QTMAN: variants seen among roughly 807,000 people sequenced by gnomAD.
QTMAN encodes the protein queuosine-tRNA mannosyltransferase.
the QTMAN span, among the ~76,000 whole-genome samples, chr2:144,082,332 A>G: frequency 2.0e-5 from 3 of 152,258 alleles, no homozygotes; most frequent in Non-Finnish European, 4.4e-5. Context: ...TTAGCCCAGC[A>G]CAACATTTGG....
chr2:144,096,561 G>T, the QTMAN span, among the ~76,000 whole-genome samples: 1 of 152,180 alleles, frequency 6.6e-6, no homozygotes, highest in Non-Finnish European at 1.5e-5. Context: ...AGTGTCATGT[G>T]TACAGGCTAG....
the QTMAN span, among the ~76,000 whole-genome samples, chr2:144,188,874 ATTTAACCTC>A: frequency 6.6e-6 from 1 of 152,210 alleles, no homozygotes; most frequent in African/African-American, 2.4e-5. Flanking sequence ...TAGCAAGAAC[ATTTAACCTC>A]TTCAATAAGC....
the QTMAN span, among the ~76,000 whole-genome samples, chr2:144,040,907 G>GA: frequency 6.6e-6 from 1 of 152,190 alleles, no homozygotes; most frequent in Non-Finnish European, 1.5e-5. Flanking sequence ...TTTGCTTAAA[G>GA]AAAGACACTG....
chr2:144,271,478 C>A, the QTMAN span, among the ~76,000 whole-genome samples: 5 of 152,142 alleles, frequency 3.3e-5, no homozygotes, highest in African/African-American at 1.2e-4. Flanking sequence ...AGGACTGGGT[C>A]TCAGAGAACA....
chr2:144,034,397 A>T, the QTMAN span, among the ~76,000 whole-genome samples: 15,481 of 152,162 alleles, frequency 0.1, 1,196 homozygotes, highest in East Asian at 0.26. Context: ...TGCCATAGGG[A>T]TGATTCTATC....
chr2:144,284,796 G>A, the QTMAN span, among the ~76,000 whole-genome samples: 22 of 152,098 alleles, frequency 1.4e-4, no homozygotes, highest in Middle Eastern at 3.2e-3. Flanking sequence ...ACTTTAGGAC[G>A]CCGTGGAGTG....
At chr2:144,018,429 C>T in the QTMAN span, among the ~76,000 whole-genome samples, 3 of 152,144 alleles carry the variant, frequency 2.0e-5, no homozygotes, top group South Asian at 6.2e-4. Flanking sequence ...AGAAACTGAC[C>T]TCATCCAGAA....
the QTMAN span, among the ~76,000 whole-genome samples, chr2:144,026,259 C>A: frequency 3.3e-5 from 5 of 151,930 alleles, no homozygotes; most frequent in Non-Finnish European, 1.5e-5. Context: ...CATGGTGAAA[C>A]CCCGTCTCTA....
chr2:144,103,382 T>C, the QTMAN span, among the ~76,000 whole-genome samples: 1 of 152,218 alleles, frequency 6.6e-6, no homozygotes, highest in Non-Finnish European at 1.5e-5. Flanking sequence ...CATGCATTCA[T>C]GCAACAAATA....
chr2:144,177,155 A>C, the QTMAN span: 1 of 702,524 alleles, frequency 1.4e-6, no homozygotes, highest in African/African-American at 1.7e-5. Flanking sequence ...GGTGATTATA[A>C]TTCTGCATGA....
the QTMAN span, among the ~76,000 whole-genome samples, chr2:144,277,271 T>C: frequency 6.6e-6 from 1 of 152,288 alleles, no homozygotes; most frequent in African/African-American, 2.4e-5. Context: ...TATATTTCTA[T>C]TAGGCAGTAC....
the QTMAN span, among the ~76,000 whole-genome samples, chr2:144,148,355 T>A: frequency 6.6e-6 from 1 of 151,828 alleles, no homozygotes; most frequent in Non-Finnish European, 1.5e-5. Flanking sequence ...AGTTGATTAA[T>A]CTATGTGAAC....
chr2:143,990,757 C>T, the QTMAN span, among the ~76,000 whole-genome samples: 16 of 151,990 alleles, frequency 1.1e-4, no homozygotes, highest in Non-Finnish European at 2.4e-4. Context: ...TTAAAAAACA[C>T]ATAGGAAATA....
the QTMAN span, among the ~76,000 whole-genome samples, chr2:143,965,682 C>T: frequency 8.5e-5 from 13 of 152,258 alleles, no homozygotes; most frequent in Middle Eastern, 0.014. Flanking sequence ...ACCTACTAGA[C>T]GCCAGGAGCA....
chr2:144,221,186 T>G, the QTMAN span, among the ~76,000 whole-genome samples: 1 of 152,356 alleles, frequency 6.6e-6, no homozygotes, highest in East Asian at 1.9e-4. Flanking sequence ...AGCTTTGCTT[T>G]AAAGTATTAG....
chr2:143,957,301 CAGA>C, the QTMAN span: 3 of 1,605,704 alleles, frequency 1.9e-6, no homozygotes, highest in Non-Finnish European at 2.5e-6. Context: ...CAGTGTAAGA[CAGA>C]AGATCCCAAT....
At chr2:144,029,743 T>G in the QTMAN span, among the ~76,000 whole-genome samples, 196 of 152,308 alleles carry the variant, frequency 1.3e-3, no homozygotes, top group Non-Finnish European at 2.2e-3. Flanking sequence ...GCTTTCCTTT[T>G]TTTTCACTTT....
the QTMAN span, among the ~76,000 whole-genome samples, chr2:143,965,386 A>G: frequency 6.6e-6 from 1 of 152,218 alleles, no homozygotes; most frequent in African/African-American, 2.4e-5. Context: ...CCCTCAAATT[A>G]TCTAATTGTG....
the QTMAN span, among the ~76,000 whole-genome samples, chr2:144,110,735 G>A: frequency 1.4e-5 from 2 of 142,394 alleles, no homozygotes; most frequent in Admixed American, 7.2e-5. Context: ...CTTACATTAC[G>A]AAATTATGTA....
Sources: gnomAD v4.1 joint callset for allele counts (sites outside exome capture counted in the v4.1 genomes callset) on GRCh38, gnomAD v4.1.1 for gene constraint, MANE v1.5 for transcripts, NCBI Gene and HGNC (gene_info 2026-07-23, HGNC 2026-07-21) for gene names.